The following IL34 variants were observed in gnomAD, a reference collection of about 807,000 sequenced individuals.
IL34 encodes the protein interleukin 34, also known as interleukin-34.
Under a neutral mutation model 25.3 loss-of-function variants are expected in IL34, and 17 were observed. That is an observed-to-expected ratio of 0.67 (90% CI 0.46 to 1.01). The LOEUF is 1.01. IL34 is among the 50% of genes least tolerant of loss of function. The pLI is 0.00. For synonymous variants in IL34, 174 were observed against 140.9 expected (o/e 1.23, Z -1.66); for missense variants, 368 against 312.9 (o/e 1.18, Z -1.33).
intron 1 of IL34, among the ~76,000 whole-genome samples, chr16:70,620,658 T>A (rs1190656883): frequency 2.0e-5 from 3 of 152,186 alleles, no homozygotes; most frequent in Non-Finnish European, 2.9e-5. Flanking sequence ...AAGGGACTGA[T>A]GTGTAAAAGA....
rs984555848 is a variant in IL34, at chr16:70,653,233, C to A, written c.29-1305C>A. Among the ~76,000 whole-genome samples the A allele has an allele frequency of 3.3e-5, 5 of 151,472 alleles. No homozygotes were observed. In the East Asian group the frequency reaches 9.8e-4, roughly 30 times the overall value. ...GTCTAAAAAAGAAAAAGCTGGGAAG[C>A]TGGGTGTAGTGGCACATGCCTCTCA... is the stretch of plus-strand genomic sequence containing the variant. On this transcript the variant is annotated intron_variant, in intron 1 of 5. Coordinates refer to ENST00000288098, the MANE Select transcript of IL34 (RefSeq NM_001393494.1).
intron 1 of IL34, among the ~76,000 whole-genome samples, chr16:70,622,706 G>A (rs1054646751): frequency 6.6e-6 from 1 of 152,186 alleles, no homozygotes; most frequent in East Asian, 1.9e-4. Context: ...AGGAACAATG[G>A]TAATTGTGGG....
chr16:70,625,898 CTTG>C (rs1567451164), intron 1 of IL34, among the ~76,000 whole-genome samples: 11 of 152,174 alleles, frequency 7.2e-5, no homozygotes, highest in African/African-American at 2.4e-4. Context: ...GTTTCTTGGG[CTTG>C]TCTGTCTAAG....
At chr16:70,652,819 G>A (rs1597779960) in intron 1 of IL34, among the ~76,000 whole-genome samples, 1 of 152,174 alleles carries the variant, frequency 6.6e-6, no homozygotes, top group South Asian at 2.1e-4. Context: ...CTACTAAATC[G>A]ATTAATAACA....
chr16:70,632,003 A>G (rs2151851270), intron 1 of IL34, among the ~76,000 whole-genome samples: 1 of 150,972 alleles, frequency 6.6e-6, no homozygotes, highest in East Asian at 2.0e-4. Flanking sequence ...TGGGAGGCTG[A>G]GGTAGGAGGA....
intron 4 of IL34, among the ~76,000 whole-genome samples, chr16:70,659,370 C>T (rs763914633): frequency 6.6e-6 from 1 of 152,198 alleles, no homozygotes; most frequent in Non-Finnish European, 1.5e-5. Context: ...GGTCTACGCC[C>T]TTTACTCATT....
intron 1 of IL34, among the ~76,000 whole-genome samples, chr16:70,593,278 C>G (rs2050778004): frequency 1.3e-5 from 2 of 152,066 alleles, no homozygotes; most frequent in African/African-American, 4.8e-5. Context: ...AGAGCAGAAG[C>G]TTTTAATTTT....
intron 1 of IL34, among the ~76,000 whole-genome samples, chr16:70,623,550 A>G (rs575665223): frequency 3.9e-5 from 6 of 152,198 alleles, no homozygotes; most frequent in East Asian, 1.9e-4. Context: ...GGCATTGAAC[A>G]GGGTAAGGGT....
chr16:70,641,893 T>G (rs1293667846), upstream of IL34, among the ~76,000 whole-genome samples: 1 of 152,074 alleles, frequency 6.6e-6, no homozygotes, highest in African/African-American at 2.4e-5. Context: ...AAAATGACAC[T>G]AAAAATCCTC....
At position 70,591,261 on chromosome 16, in the gene IL34, A is replaced by G. The variant is rs910759400; in HGVS notation, c.-401+11212A>G. ...TTGTCCACATGATTCAATCTGTCCA[A>G]CTCCAACCTGGCCCCTGATAGGCCA... On this transcript the variant is annotated intron_variant, in intron 1 of 6. Coordinates refer to the IL34 transcript ENST00000429149. Among the ~76,000 whole-genome samples, 13 of 151,966 alleles carry G rather than the reference A, an allele frequency of 8.6e-5. 1 individual carries two copies. The highest frequency in any genetic ancestry group is 6.6e-5 in the Admixed American group (1 of 15,256).
chr16:70,621,459 G>A (rs1038847732), intron 1 of IL34, among the ~76,000 whole-genome samples: 10 of 142,068 alleles, frequency 7.0e-5, no homozygotes, highest in South Asian at 2.5e-4. Context: ...AGAAGGGGCC[G>A]CTTACCTGAT....
At chr16:70,608,812 C>T (rs2051049194) in intron 1 of IL34, among the ~76,000 whole-genome samples, 3 of 152,154 alleles carry the variant, frequency 2.0e-5, no homozygotes, top group Non-Finnish European at 4.4e-5. Context: ...GCACCTCAGC[C>T]TCACGCCTCA....
intron 1 of IL34, among the ~76,000 whole-genome samples, chr16:70,622,900 A>G (rs1054617902): frequency 1.3e-5 from 2 of 152,106 alleles, no homozygotes; most frequent in Non-Finnish European, 2.9e-5. Flanking sequence ...CATGAGGGCT[A>G]GGCTAAAACA....
chr16:70,633,969 G>T (rs566555051), intron 1 of IL34, among the ~76,000 whole-genome samples: 6 of 152,080 alleles, frequency 3.9e-5, no homozygotes, highest in Admixed American at 2.0e-4. Context: ...TGCTGCCTCA[G>T]CCTCCGGAGT....
At chr16:70,629,854 G>A (rs1295266801) in intron 1 of IL34, among the ~76,000 whole-genome samples, 6 of 151,658 alleles carry the variant, frequency 4.0e-5, no homozygotes, top group Non-Finnish European at 8.8e-5. Context: ...TATCTTTTGT[G>A]TTATGATTCA....
At chr16:70,629,733 G>A (rs1016073011) in intron 1 of IL34, among the ~76,000 whole-genome samples, 1 of 151,014 alleles carries the variant, frequency 6.6e-6, no homozygotes, top group Non-Finnish European at 1.5e-5. Context: ...ATGTTTGTGC[G>A]TACATAGTAG....
intron 1 of IL34, among the ~76,000 whole-genome samples, chr16:70,629,583 T>G (rs755506497): frequency 6.6e-6 from 1 of 152,206 alleles, no homozygotes; most frequent in East Asian, 1.9e-4. Context: ...TAATAACGAA[T>G]ACAATGTAGA....
chr16:70,651,423 G>A (rs1447618211), intron 1 of IL34, among the ~76,000 whole-genome samples: 1 of 152,222 alleles, frequency 6.6e-6, no homozygotes, highest in Non-Finnish European at 1.5e-5. Context: ...CAGGGGAAGA[G>A]GGAGAGAGGA....
At chr16:70,602,880 T>C (rs964760379) in intron 1 of IL34, among the ~76,000 whole-genome samples, 1 of 152,096 alleles carries the variant, frequency 6.6e-6, no homozygotes, top group Non-Finnish European at 1.5e-5. Flanking sequence ...CCTGTAGTTA[T>C]TCTATTCCAG....
Sources: allele counts gnomAD v4.1 joint callset (sites outside exome capture counted in the v4.1 genomes callset), GRCh38; gene constraint gnomAD v4.1.1; transcripts MANE v1.5; gene names NCBI Gene and HGNC (gene_info 2026-07-23, HGNC 2026-07-21).